MCTP1: variants seen among roughly 807,000 people sequenced by gnomAD.
MCTP1 encodes the protein multiple C2 and transmembrane domain containing 1.
In MCTP1, 69 loss-of-function variants were observed where a neutral mutation model predicts 120.6. The observed-to-expected ratio is 0.57, with a 90% CI of 0.47 to 0.70. MCTP1 has a LOEUF of 0.70. Among genes scored for constraint, MCTP1 ranks in the 30% least tolerant of loss-of-function variants. The pLI, the probability that MCTP1 is intolerant of heterozygous loss-of-function variation, is 0.00. For missense variants in MCTP1, 1,203 were observed against 1,248.8 expected (o/e 0.96, Z 0.55); for synonymous variants, 529 against 493.1 (o/e 1.07, Z -0.96).
chr5:95,125,373 A>T (rs1270196715), intron 1 of MCTP1, among the ~76,000 whole-genome samples: 1 of 152,190 alleles, frequency 6.6e-6, no homozygotes, highest in Non-Finnish European at 1.5e-5. Context: ...TCACAATCTA[A>T]TGTCTGCTGT....
intron 17 of MCTP1, among the ~76,000 whole-genome samples, chr5:94,862,067 C>A (rs899567331): frequency 2.6e-5 from 4 of 151,760 alleles, no homozygotes; most frequent in African/African-American, 9.7e-5. Flanking sequence ...AATTTTTTGA[C>A]TATAGCATAG....
chr5:95,102,342 G>A (rs1362572458), intron 1 of MCTP1, among the ~76,000 whole-genome samples: 1 of 152,186 alleles, frequency 6.6e-6, no homozygotes, highest in Non-Finnish European at 1.5e-5. Context: ...CTGCATGAGT[G>A]AGCCAGGCCA....
chr5:94,972,531 T>C (rs1281479094), intron 2 of MCTP1, among the ~76,000 whole-genome samples: 3 of 152,130 alleles, frequency 2.0e-5, no homozygotes, highest in Admixed American at 2.0e-4. Flanking sequence ...CTGGGTCTTA[T>C]GGTGAAAATG....
intron 18 of MCTP1, among the ~76,000 whole-genome samples, chr5:94,782,147 T>A (rs1776709992): frequency 6.6e-6 from 1 of 152,200 alleles, no homozygotes; most frequent in South Asian, 2.1e-4. Flanking sequence ...GAGCGCTTAA[T>A]ACAGTTCCTG....
chr5:94,757,502 TG>T (rs776549721), intron 19 of MCTP1, among the ~76,000 whole-genome samples: 2 of 152,270 alleles, frequency 1.3e-5, no homozygotes, highest in East Asian at 3.9e-4. Flanking sequence ...CCATTAGCCA[TG>T]AAAGGAAGTT....
intron 1 of MCTP1, among the ~76,000 whole-genome samples, chr5:95,145,547 T>C (rs1255268225): frequency 6.6e-6 from 1 of 152,182 alleles, no homozygotes; most frequent in Non-Finnish European, 1.5e-5. Context: ...GAATGGCTCT[T>C]ATTATTTTGA....
At chr5:94,759,272 G>A (rs980669530) in intron 19 of MCTP1, among the ~76,000 whole-genome samples, 10 of 152,170 alleles carry the variant, frequency 6.6e-5, no homozygotes, top group Non-Finnish European at 8.8e-5. Context: ...GATACCAGGT[G>A]TGTAAACACT....
chr5:94,769,515 C>A (rs574731278), intron 19 of MCTP1, among the ~76,000 whole-genome samples: 1 of 151,928 alleles, frequency 6.6e-6, no homozygotes, highest in Non-Finnish European at 1.5e-5. Context: ...AAACCAGTAA[C>A]CCCATGAGGT....
At chr5:95,227,903 A>T (rs1015363892) in intron 1 of MCTP1, among the ~76,000 whole-genome samples, 6 of 152,328 alleles carry the variant, frequency 3.9e-5, no homozygotes, top group Non-Finnish European at 8.8e-5. Flanking sequence ...TGGAAAGTTT[A>T]GTGTGCATAA....
chr5:94,844,048 A>G (rs1171123721), intron 17 of MCTP1, among the ~76,000 whole-genome samples: 3 of 152,140 alleles, frequency 2.0e-5, no homozygotes, highest in Non-Finnish European at 4.4e-5. Flanking sequence ...CATGCCTGTA[A>G]TCTCAACACT....
At chr5:95,158,824 A>G (rs1050533552) in intron 1 of MCTP1, among the ~76,000 whole-genome samples, 1 of 151,888 alleles carries the variant, frequency 6.6e-6, no homozygotes, top group African/African-American at 2.4e-5. Flanking sequence ...CTATGGTCCC[A>G]GCTACTCAGG....
chr5:95,216,079 A>T (rs972887470), intron 1 of MCTP1, among the ~76,000 whole-genome samples: 3 of 152,230 alleles, frequency 2.0e-5, no homozygotes, highest in Non-Finnish European at 4.4e-5. Flanking sequence ...TTTGTTAAAC[A>T]TATTATAAAT....
intron 1 of MCTP1, among the ~76,000 whole-genome samples, chr5:95,065,903 A>G (rs1309996052): frequency 1.3e-5 from 2 of 152,226 alleles, no homozygotes; most frequent in African/African-American, 2.4e-5. Context: ...GAAATTCCAA[A>G]CTACTAGAAG....
chr5:95,060,269 A>C (rs1333536099), intron 1 of MCTP1, among the ~76,000 whole-genome samples: 5 of 152,118 alleles, frequency 3.3e-5, no homozygotes, highest in Non-Finnish European at 5.9e-5. Flanking sequence ...GGGGAAGTGA[A>C]GAAAGGAAGC....
chr5:95,035,794 G>A (rs1841193096), intron 1 of MCTP1, among the ~76,000 whole-genome samples: 1 of 152,034 alleles, frequency 6.6e-6, no homozygotes, highest in African/African-American at 2.4e-5. Flanking sequence ...AGAGTTGAGT[G>A]ATTTACAAAG....
intron 1 of MCTP1, among the ~76,000 whole-genome samples, chr5:95,166,525 C>T (rs192772778): frequency 4.2e-4 from 64 of 151,368 alleles, no homozygotes; most frequent in African/African-American, 1.4e-3. Flanking sequence ...GTGAATATGC[C>T]TTACTTTATT....
chr5:94,868,273 A>T (rs1797192847), intron 17 of MCTP1, 60 bp downstream of exon 17: 1 of 1,461,912 alleles, frequency 6.8e-7, no homozygotes, highest in South Asian at 1.5e-5. Flanking sequence ...CCACAGAAAC[A>T]TGCAGCTATG....
At chr5:94,789,224 T>G (rs201625538) in intron 18 of MCTP1, 18 of 152,174 alleles carry the variant, frequency 1.2e-4, no homozygotes, top group Non-Finnish European at 2.5e-4. Flanking sequence ...AGGAAGATGG[T>G]GGAGGCTAAA....
At chr5:94,911,277 A>G (rs954319261) in intron 9 of MCTP1, among the ~76,000 whole-genome samples, 4 of 152,182 alleles carry the variant, frequency 2.6e-5, no homozygotes, top group African/African-American at 9.7e-5. Flanking sequence ...TCTATGAATA[A>G]CATCTGTAAA....
Sources: gnomAD v4.1 joint callset for allele counts (sites outside exome capture counted in the v4.1 genomes callset) on GRCh38, gnomAD v4.1.1 for gene constraint, MANE v1.5 for transcripts, NCBI Gene and HGNC (gene_info 2026-07-23, HGNC 2026-07-21) for gene names.